Variants in KIF9 observed in about 807,000 individuals in gnomAD.
The protein encoded by KIF9 is kinesin family member 9.
KIF9 carries 68 observed loss-of-function variants against 94.8 expected under a neutral mutation model. That is an observed-to-expected ratio of 0.72 (90% CI 0.59 to 0.88). The LOEUF (loss-of-function observed/expected upper bound fraction) is 0.88, where lower values mean the gene tolerates loss of function less well. KIF9 is among the 40% of genes least tolerant of loss of function. The pLI, the probability that KIF9 is intolerant of heterozygous loss-of-function variation, is 0.00. For missense variants in KIF9, 882 were observed against 982.5 expected (o/e 0.90, Z 1.37); for synonymous variants, 343 against 362.1 (o/e 0.95, Z 0.60).
At chr3:47,254,524 T>C (rs1357773957) in intron 10 of KIF9, among the ~76,000 whole-genome samples, 1 of 152,138 alleles carries the variant, frequency 6.6e-6, no homozygotes, top group East Asian at 1.9e-4. Context: ...GGCAGAAGAA[T>C]GGCTTGAACC....
chr3:47,254,622 A>C (rs569364036), intron 10 of KIF9, among the ~76,000 whole-genome samples: 215 of 152,250 alleles, frequency 1.4e-3, no homozygotes, highest in Non-Finnish European at 2.1e-3. Flanking sequence ...CACACACACA[A>C]AAAAGTGTAG....
At chr3:47,240,545 G>A (rs1331898740) in intron 17 of KIF9, among the ~76,000 whole-genome samples, 1 of 152,146 alleles carries the variant, frequency 6.6e-6, no homozygotes, top group Non-Finnish European at 1.5e-5. Flanking sequence ...CACATATGGG[G>A]TGGAAGGCCC....
chr3:47,268,923 T>G (rs1468476198), intron 5 of KIF9, among the ~76,000 whole-genome samples: 1 of 152,026 alleles, frequency 6.6e-6, no homozygotes, highest in East Asian at 1.9e-4. Flanking sequence ...TGAAGTACCC[T>G]CTTGCCTTGT....
At chr3:47,237,099 T>C (rs1012258813) in intron 17 of KIF9, among the ~76,000 whole-genome samples, 1 of 152,148 alleles carries the variant, frequency 6.6e-6, no homozygotes, top group African/African-American at 2.4e-5. Context: ...GCTACTTTCT[T>C]TTTTTTTCTT....
chr3:47,269,395 C>T (rs1701495922), intron 5 of KIF9, among the ~76,000 whole-genome samples: 1 of 152,082 alleles, frequency 6.6e-6, no homozygotes, highest in African/African-American at 2.4e-5. Context: ...GATTCTCCCA[C>T]CTCAGCTTCC....
At chr3:47,252,490 G>T (rs1700334482) in intron 10 of KIF9, among the ~76,000 whole-genome samples, 1 of 152,024 alleles carries the variant, frequency 6.6e-6, no homozygotes, top group African/African-American at 2.4e-5. Context: ...CCAGCTACTT[G>T]GGAGGCTGAG....
rs564569925 is a variant in KIF9, at chr3:47,247,859, T to A, written c.1128+159A>T. Among the ~76,000 whole-genome samples, 49 of 152,256 alleles carry A rather than the reference T, an allele frequency of 3.2e-4. 1 individual carries two copies. Among genetic ancestry groups the A allele is most frequent in the African/African-American group, 1.1e-3 (44 of 41,558 alleles). Reference sequence around the variant, plus strand: ...ACTCTGCTCCCAACCCCTGTCCTCATGGACCCTTGCTGCTGCCCCTTTCCT... The same window carrying A: ...ACTCTGCTCCCAACCCCTGTCCTCAAGGACCCTTGCTGCTGCCCCTTTCCT... On this transcript the variant is annotated intron_variant, in intron 11 of 20. Coordinates refer to ENST00000684063, the MANE Select transcript of KIF9 (RefSeq NM_182902.4).
chr3:47,281,039 G>C, intron 1 of KIF9: 1 of 703,058 alleles, frequency 1.4e-6, no homozygotes, highest in Middle Eastern at 2.3e-4. Context: ...TTGAAGGCAA[G>C]GATTGTGCTT....
At chr3:47,275,578 A>C in intron 2 of KIF9, 88 bp from the exon 3 acceptor site, 2 of 942,360 alleles carry the variant, frequency 2.1e-6, no homozygotes, top group Non-Finnish European at 1.6e-6. Context: ...CCTAATCTGG[A>C]GGGAACAGAG....
intron 10 of KIF9, 191 bp from the exon 11 acceptor site, chr3:47,248,277 G>C: frequency 1.7e-6 from 1 of 594,038 alleles, no homozygotes; most frequent in Non-Finnish European, 3.0e-6. Flanking sequence ...ACTGGGGTGA[G>C]TTTAGGGTCT....
chr3:47,278,341 G>A (rs1297661114), intron 1 of KIF9, among the ~76,000 whole-genome samples: 3 of 152,086 alleles, frequency 2.0e-5, no homozygotes, highest in East Asian at 1.9e-4. Flanking sequence ...CTTCCAAAGT[G>A]CTGGGATTAC....
At chr3:47,270,581 A>G (rs1701584326) in intron 5 of KIF9, among the ~76,000 whole-genome samples, 1 of 152,070 alleles carries the variant, frequency 6.6e-6, no homozygotes, top group African/African-American at 2.4e-5. Flanking sequence ...AAGAGCTCAT[A>G]ATTTAACTGA....
At chr3:47,280,302 A>G (rs1404014017) in intron 1 of KIF9, among the ~76,000 whole-genome samples, 1 of 152,192 alleles carries the variant, frequency 6.6e-6, no homozygotes, top group African/African-American at 2.4e-5. Context: ...TTCAGATGCC[A>G]TCCAGGGTAT....
In KIF9 at chr3:47,260,358, GATCCTCC is replaced by G. The variant is rs542242753; in HGVS notation, c.982-2805_982-2799del. 4.2e-3 allele frequency among the ~76,000 whole-genome samples: 636 copies of G among 151,798 alleles called. 3 individuals carry two copies. Among genetic ancestry groups the G allele is most frequent in the African/African-American group, 0.015 (603 of 41,352 alleles). On this transcript the variant is annotated intron_variant, in intron 9 of 20. Transcript: ENST00000684063. ...ACTAAGGGAACTCAGAGGCTGGCGG[GATCCTCC>G]ATATGCTGAACGCTGGTTCCCCAGG...
intron 20 of KIF9, among the ~76,000 whole-genome samples, chr3:47,231,403 A>AGTTTTTTTTTTTTTTTTT (rs1172641771): frequency 1.2e-5 from 1 of 80,532 alleles, no homozygotes; most frequent in African/African-American, 5.3e-5. Flanking sequence ...ATCAGTATCT[A>AGTTTTTTTTTTTTTTTTT]CTTTTTTTTT....
chr3:47,252,667 C>G (rs992463747), intron 10 of KIF9, among the ~76,000 whole-genome samples: 1 of 151,960 alleles, frequency 6.6e-6, no homozygotes, highest in African/African-American at 2.4e-5. Flanking sequence ...TCCACCCAGC[C>G]AGGTTCACGG....
At chr3:47,239,965 CT>C (rs757460440) in intron 17 of KIF9, 10 of 1,358,972 alleles carry the variant, frequency 7.4e-6, no homozygotes, top group Non-Finnish European at 9.8e-6. Flanking sequence ...ACAGTGTGGC[CT>C]CTGAACCACC....
intron 20 of KIF9, among the ~76,000 whole-genome samples, chr3:47,235,107 C>T (rs1321536094): frequency 1.3e-5 from 2 of 152,186 alleles, no homozygotes; most frequent in African/African-American, 2.4e-5. Flanking sequence ...CTAACCTGCT[C>T]GAGGAGGAGA....
At chr3:47,257,393 G>T in intron 10 of KIF9, 90 bp downstream of exon 10, 3 of 1,127,328 alleles carry the variant, frequency 2.7e-6, no homozygotes, top group African/African-American at 1.5e-5. Context: ...TTTGGTTGAG[G>T]CAGGAAGGGA....
Sources: allele counts gnomAD v4.1 joint callset (sites outside exome capture counted in the v4.1 genomes callset), GRCh38; gene constraint gnomAD v4.1.1; transcripts MANE v1.5; gene names NCBI Gene and HGNC (gene_info 2026-07-23, HGNC 2026-07-21).